The following RAD51B variants were observed in gnomAD, a reference collection of about 807,000 sequenced individuals.
RAD51B encodes RAD51 paralog B.
In RAD51B, 38 loss-of-function variants were observed where a neutral mutation model predicts 42.2. The observed-to-expected ratio is 0.90, with a 90% CI of 0.70 to 1.18. RAD51B has a LOEUF of 1.18. Among genes scored for constraint, RAD51B ranks in the 50% most tolerant of loss-of-function variants. The pLI is 0.00. For missense variants in RAD51B, 373 were observed against 400.7 expected (o/e 0.93, Z 0.59); for synonymous variants, 154 against 145.2 (o/e 1.06, Z -0.43).
At chr14:68,124,667 T>G (rs1223911194) in intron 7 of RAD51B, among the ~76,000 whole-genome samples, 1 of 152,146 alleles carries the variant, frequency 6.6e-6, no homozygotes, top group African/African-American at 2.4e-5. Flanking sequence ...AAAGGAATTA[T>G]GTAAGGCCGG....
At chr14:68,071,754 G>A (rs1467138934) in intron 7 of RAD51B, among the ~76,000 whole-genome samples, 1 of 151,754 alleles carries the variant, frequency 6.6e-6, no homozygotes, top group Non-Finnish European at 1.5e-5. Flanking sequence ...CCAGGTATTG[G>A]TATTAGGATG....
At chr14:68,428,707 T>TTATATATATATA (rs532906803) in intron 9 of RAD51B, among the ~76,000 whole-genome samples, 2 of 99,594 alleles carry the variant, frequency 2.0e-5, no homozygotes, top group Admixed American at 9.8e-5. Flanking sequence ...AGGATTTTCT[T>TTATATATATATA]TATATATATA....
chr14:67,902,472 TAACTC>T (rs748412499), intron 7 of RAD51B, among the ~76,000 whole-genome samples: 3 of 152,210 alleles, frequency 2.0e-5, no homozygotes, highest in Admixed American at 6.5e-5. Flanking sequence ...ATAATGCACT[TAACTC>T]AATTTGTTCA....
rs117198368 is a variant in RAD51B at position 68,375,416 on chromosome 14, C to T, written c.854-36008C>T. 2.0e-4 allele frequency among the ~76,000 whole-genome samples: 30 copies of T among 152,238 alleles called. 1 individual carries two copies. The East Asian group carries it at 5.8e-3, about 29-fold the overall frequency. On this transcript the variant is annotated intron_variant, in intron 8 of 10. Coordinates refer to ENST00000471583, the MANE Select transcript of RAD51B (RefSeq NM_133510.4). The stretch of plus-strand genomic sequence containing the variant: ...TGGTTAAATCACGATTTTATTTTCT[C>T]GTTGACACCTAGTGTGTGTTATATG...
At chr14:68,476,769 C>T (rs771370911) in intron 10 of RAD51B, among the ~76,000 whole-genome samples, 3 of 152,190 alleles carry the variant, frequency 2.0e-5, no homozygotes, top group Non-Finnish European at 2.9e-5. Flanking sequence ...TCACAAAACC[C>T]GACAAATAGA....
chr14:67,932,493 G>A (rs185809942), intron 7 of RAD51B, among the ~76,000 whole-genome samples: 69 of 152,236 alleles, frequency 4.5e-4, no homozygotes, highest in African/African-American at 1.6e-3. Flanking sequence ...GTGTGCAGTG[G>A]CACTAGTTTT....
At chr14:68,094,790 G>T (rs1302188187) in intron 7 of RAD51B, among the ~76,000 whole-genome samples, 1 of 152,218 alleles carries the variant, frequency 6.6e-6, no homozygotes, top group East Asian at 1.9e-4. Flanking sequence ...AAAGTTAATT[G>T]AAGAAAAGTA....
Position 68,648,005 on chromosome 14 carries a change from ATATATATATATATATACG to A in RAD51B, c.1037-2761_1037-2744del, listed in dbSNP as rs1258704617. Among the ~76,000 whole-genome samples, 12 of 9,332 alleles carry A rather than the reference ATATATATATATATATACG, an allele frequency of 1.3e-3. 1 individual carries two copies. In the Admixed American group the frequency reaches 0.019, roughly 15 times the overall value. The allele number at this position is 9,332 out of a possible 152,430, so 6.1% of individuals were successfully genotyped here. On this transcript the variant is annotated intron_variant, in intron 10 of 11. Coordinates refer to the RAD51B transcript ENST00000488612. ...CTGATTAGTTTTTTAAAAATTGAGC[ATATATATATATATATACG>A]TATATATATATATACACACGTATAT... is the stretch of plus-strand genomic sequence containing the variant.
intron 9 of RAD51B, among the ~76,000 whole-genome samples, chr14:68,455,816 A>G (rs1472215866): frequency 6.6e-6 from 1 of 152,218 alleles, no homozygotes; most frequent in Non-Finnish European, 1.5e-5. Flanking sequence ...TTCATTTGTA[A>G]GTCTTTTCCT....
At chr14:68,068,920 C>G (rs530253922) in intron 7 of RAD51B, among the ~76,000 whole-genome samples, 30 of 152,290 alleles carry the variant, frequency 2.0e-4, no homozygotes, top group African/African-American at 6.7e-4. Context: ...CTTGAATAAA[C>G]ACTTCTCGAT....
intron 7 of RAD51B, among the ~76,000 whole-genome samples, chr14:67,907,376 A>G (rs2043812048): frequency 6.6e-6 from 1 of 151,984 alleles, no homozygotes; most frequent in Non-Finnish European, 1.5e-5. Flanking sequence ...GCTGCTTAAT[A>G]TTTTGTTATA....
chr14:68,180,980 A>G (rs2079051868), intron 7 of RAD51B, among the ~76,000 whole-genome samples: 1 of 152,230 alleles, frequency 6.6e-6, no homozygotes, highest in African/African-American at 2.4e-5. Flanking sequence ...GGGAAGCAAC[A>G]GCAGAGGCAT....
rs540114735 is a variant in RAD51B, at chr14:67,855,373, G to A, written c.316-9630G>A. Among the ~76,000 whole-genome samples the A allele has an allele frequency of 6.6e-5, 10 of 151,166 alleles. No individual in the cohort carries two copies. The East Asian group carries it at 1.6e-3, about 24-fold the overall frequency. Reference sequence around the variant, plus strand: ...AGCCTCCCCAGCAGCTGGGATTACAGGTGCCCGCCACCACGCTTGGCTAAT... The same window carrying A: ...AGCCTCCCCAGCAGCTGGGATTACAAGTGCCCGCCACCACGCTTGGCTAAT... On this transcript the variant is annotated intron_variant, in intron 4 of 10. Coordinates refer to ENST00000471583, the MANE Select transcript of RAD51B (RefSeq NM_133510.4).
chr14:68,447,984 A>T (rs2085461851), intron 9 of RAD51B, among the ~76,000 whole-genome samples: 1 of 152,238 alleles, frequency 6.6e-6, no homozygotes, highest in Non-Finnish European at 1.5e-5. Flanking sequence ...CTCTGGAAAA[A>T]GCAAAGATGA....
intron 9 of RAD51B, among the ~76,000 whole-genome samples, chr14:68,451,137 TG>T (rs1485055900): frequency 2.0e-5 from 3 of 152,218 alleles, no homozygotes; most frequent in African/African-American, 7.2e-5. Context: ...GTAGACTGCC[TG>T]GAAACACAGA....
chr14:67,914,768 G>A lies in RAD51B; in HGVS notation c.756+27564G>A, dbSNP rs115541550. 8.8e-3 allele frequency among the ~76,000 whole-genome samples: 1,343 copies of A among 152,200 alleles called. 20 individuals carry two copies. The highest frequency in any genetic ancestry group is 0.03 in the African/African-American group (1,264 of 41,522). On this transcript the variant is annotated intron_variant, in intron 7 of 10. Coordinates refer to ENST00000471583, the MANE Select transcript of RAD51B (RefSeq NM_133510.4). The stretch of plus-strand genomic sequence containing the variant: ...TTGTAACACCCAAATTAATGATCTT[G>A]TTGGTTTCATGGTCATTTGCAGACA...
intron 9 of RAD51B, chr14:68,422,234 G>C: frequency 1.1e-6 from 1 of 879,074 alleles, no homozygotes; most frequent in East Asian, 2.5e-5. Flanking sequence ...GGTGGCGTCC[G>C]CAGAGCACCC....
At chr14:68,475,349 G>A (rs1260088364) in intron 10 of RAD51B, among the ~76,000 whole-genome samples, 1 of 152,082 alleles carries the variant, frequency 6.6e-6, no homozygotes, top group Non-Finnish European at 1.5e-5. Flanking sequence ...GTAAGGGCTG[G>A]GCTTGTTGCA....
At chr14:67,944,489 A>T (rs2045321788) in intron 7 of RAD51B, among the ~76,000 whole-genome samples, 1 of 152,124 alleles carries the variant, frequency 6.6e-6, no homozygotes, top group South Asian at 2.1e-4. Context: ...AACCATATCA[A>T]TATGACTATA....
Sources: allele counts gnomAD v4.1 joint callset (sites outside exome capture counted in the v4.1 genomes callset), GRCh38; gene constraint gnomAD v4.1.1; transcripts MANE v1.5; gene names NCBI Gene and HGNC (gene_info 2026-07-23, HGNC 2026-07-21).